Variants in SMOC2 observed in about 807,000 individuals in gnomAD.
SMOC2 encodes SPARC-related modular calcium-binding protein 2.
Under a neutral mutation model 61.4 loss-of-function variants are expected in SMOC2, and 39 were observed. The observed-to-expected ratio is 0.64, with a 90% CI of 0.49 to 0.83. The LOEUF (loss-of-function observed/expected upper bound fraction) is 0.83. Ranked by LOEUF, SMOC2 falls within the 40% of genes least tolerant of loss-of-function variation. The probability of loss-of-function intolerance (pLI) is 0.00; values close to 1 mark genes in which losing one functional copy is unlikely to be tolerated. For synonymous variants in SMOC2, 247 were observed against 239.9 expected, an observed-to-expected ratio of 1.03 and a Z score of -0.27; for missense variants, 556 against 592.9, an observed-to-expected ratio of 0.94 and a Z score of 0.65.
At chr6:168,650,581 A>G in intron 9 of SMOC2, 100 bp from the exon 10 acceptor site, 1 of 1,118,670 alleles carries the variant, frequency 8.9e-7, no homozygotes, top group Non-Finnish European at 1.3e-6. Flanking sequence ...GTAGGCCAAA[A>G]TACTCATTTC....
intron 1 of SMOC2, among the ~76,000 whole-genome samples, chr6:168,498,495 G>A (rs1782645904): frequency 6.6e-6 from 1 of 152,226 alleles, no homozygotes; most frequent in South Asian, 2.1e-4. Context: ...ATTATATACT[G>A]TAATAAAAAC....
At chr6:168,507,345 G>C (rs1782896508) in intron 1 of SMOC2, among the ~76,000 whole-genome samples, 1 of 152,160 alleles carries the variant, frequency 6.6e-6, no homozygotes, top group Non-Finnish European at 1.5e-5. Context: ...AAGGCACCTG[G>C]GGCTCCTACT....
intron 7 of SMOC2, among the ~76,000 whole-genome samples, chr6:168,567,395 T>C (rs998201234): frequency 3.9e-5 from 6 of 152,234 alleles, no homozygotes; most frequent in Non-Finnish European, 5.9e-5. Context: ...TATGGGTATA[T>C]ACAAAATTTT....
chr6:168,566,582 A>G (rs983555491), intron 7 of SMOC2, among the ~76,000 whole-genome samples: 14 of 150,182 alleles, frequency 9.3e-5, no homozygotes, highest in Non-Finnish European at 2.1e-4. Context: ...TCCCAGGTTC[A>G]AGTGATTCTC....
At chr6:168,644,648 T>A (rs367585833) in intron 9 of SMOC2, among the ~76,000 whole-genome samples, 1 of 132,530 alleles carries the variant, frequency 7.5e-6, no homozygotes, top group Non-Finnish European at 1.6e-5. Context: ...GCCTTTCTTT[T>A]TTTTTTTTTT....
At chr6:168,467,741 A>C (rs1781877100) in intron 1 of SMOC2, among the ~76,000 whole-genome samples, 1 of 152,222 alleles carries the variant, frequency 6.6e-6, no homozygotes. Flanking sequence ...ATTTTATGGT[A>C]TGTGAAATAG....
intron 1 of SMOC2, among the ~76,000 whole-genome samples, chr6:168,476,769 T>C (rs1355571450): frequency 1.3e-5 from 2 of 152,136 alleles, no homozygotes; most frequent in Non-Finnish European, 2.9e-5. Context: ...ATAATTTATG[T>C]GCATTTCTGA....
intron 2 of SMOC2, among the ~76,000 whole-genome samples, chr6:168,519,020 C>T (rs58431273): frequency 0.27 from 27,687 of 103,070 alleles, 2,920 homozygotes; most frequent in East Asian, 0.44. Flanking sequence ...TGCGTGCATG[C>T]GAACATGTGT....
chr6:168,525,493 C>T (rs1332790304), intron 2 of SMOC2, among the ~76,000 whole-genome samples: 3 of 152,214 alleles, frequency 2.0e-5, no homozygotes, highest in African/African-American at 7.2e-5. Context: ...TTTCATGTCT[C>T]TGTATTTCTG....
intron 1 of SMOC2, among the ~76,000 whole-genome samples, chr6:168,468,465 C>T (rs527689378): frequency 4.6e-5 from 7 of 152,248 alleles, no homozygotes; most frequent in Non-Finnish European, 7.3e-5. Context: ...CGTCCCCCAC[C>T]GACTGCCTTC....
chr6:168,489,685 G>A (rs1408796757), intron 1 of SMOC2, among the ~76,000 whole-genome samples: 1 of 151,384 alleles, frequency 6.6e-6, no homozygotes, highest in African/African-American at 2.4e-5. Context: ...CACTGTTTTA[G>A]AATGAAATAT....
In SMOC2 at chr6:168,607,088, G is replaced by A. The variant is rs185102277; in HGVS notation, c.825-1069G>A. Among the ~76,000 whole-genome samples the A allele has an allele frequency of 3.9e-5, 6 of 152,216 alleles. No homozygotes were observed. The South Asian group carries it at 8.3e-4, about 21-fold the overall frequency. ...CAGGAATCTCCCATCTCCCGGGAAC[G>A]CACCTCCCCGGCGTCTCCTTCATGC... On this transcript the variant is annotated intron_variant, in intron 8 of 12. Transcript: ENST00000356284.
intron 1 of SMOC2, among the ~76,000 whole-genome samples, chr6:168,455,407 G>A (rs545152471): frequency 2.2e-4 from 33 of 152,316 alleles, no homozygotes; most frequent in South Asian, 8.3e-4. Flanking sequence ...CAGGAAGGAC[G>A]CTGGCTCGGC....
intron 1 of SMOC2, among the ~76,000 whole-genome samples, 192 bp downstream of exon 1, chr6:168,441,646 G>T (rs1286595308): frequency 6.6e-6 from 1 of 152,188 alleles, no homozygotes; most frequent in Non-Finnish European, 1.5e-5. Context: ...CTGGGACCCG[G>T]CTGGGATGGG....
rs559235504 is a variant in SMOC2, at chr6:168,566,105, A to G, written c.637+16902A>G. Among the ~76,000 whole-genome samples the G allele has an allele frequency of 2.8e-4, 42 of 152,306 alleles. 1 individual carries two copies. In the South Asian group the frequency reaches 8.7e-3, roughly 32 times the overall value. On this transcript the variant is annotated intron_variant, in intron 7 of 12. Coordinates refer to ENST00000356284, the MANE Select transcript of SMOC2 (RefSeq NM_001166412.2). ...GTTGAAGTGAACTAAGAAAAAATCC[A>G]CGTCTTTTACGAAGCTATGGCAATG...
intron 9 of SMOC2, among the ~76,000 whole-genome samples, chr6:168,622,231 G>T (rs1384618271): frequency 6.6e-6 from 1 of 152,092 alleles, no homozygotes; most frequent in Non-Finnish European, 1.5e-5. Context: ...CTCCCAAAGT[G>T]CTGGGATTAC....
chr6:168,496,436 C>T (rs545669537), intron 1 of SMOC2, among the ~76,000 whole-genome samples: 3 of 152,312 alleles, frequency 2.0e-5, no homozygotes, highest in Non-Finnish European at 2.9e-5. Flanking sequence ...GATTTTACTT[C>T]ATTTTAGTTA....
intron 7 of SMOC2, among the ~76,000 whole-genome samples, chr6:168,566,614 T>C (rs1488143874): frequency 1.3e-5 from 2 of 151,816 alleles, no homozygotes; most frequent in African/African-American, 4.8e-5. Flanking sequence ...TCCGAGTAGC[T>C]GGGACTACAG....
At chr6:168,513,909 A>G (rs570843859) in intron 2 of SMOC2, among the ~76,000 whole-genome samples, 16 of 152,244 alleles carry the variant, frequency 1.1e-4, no homozygotes, top group African/African-American at 3.6e-4. Context: ...TTTCAATAGG[A>G]TCCCAGATGC....
Sources: gnomAD v4.1 joint callset for allele counts (sites outside exome capture counted in the v4.1 genomes callset) on GRCh38, gnomAD v4.1.1 for gene constraint, MANE v1.5 for transcripts, NCBI Gene and HGNC (gene_info 2026-07-23, HGNC 2026-07-21) for gene names.